The following EEF2KMT variants were observed in gnomAD, a reference collection of about 807,000 sequenced individuals.
EEF2KMT encodes protein-lysine N-methyltransferase EEF2KMT.
In EEF2KMT, 30 loss-of-function variants were observed where a neutral mutation model predicts 35.1. The observed-to-expected ratio is 0.85, with a 90% CI of 0.64 to 1.16. EEF2KMT has a LOEUF of 1.16. EEF2KMT is among the 50% of genes most tolerant of loss of function. The pLI is 0.00. For synonymous variants in EEF2KMT, 190 were observed against 187.7 expected, an observed-to-expected ratio of 1.01 and a Z score of -0.10; for missense variants, 499 against 438.2, an observed-to-expected ratio of 1.14 and a Z score of -1.24.
At chr16:5,094,608 C>G (rs1233328350) in intron 2 of EEF2KMT, among the ~76,000 whole-genome samples, 1 of 152,128 alleles carries the variant, frequency 6.6e-6, no homozygotes, top group Non-Finnish European at 1.5e-5. Flanking sequence ...CATGCTTCAC[C>G]ACCTACGAGA....
chr16:5,092,750 G>A (rs899569117), intron 3 of EEF2KMT, among the ~76,000 whole-genome samples: 28 of 152,272 alleles, frequency 1.8e-4, no homozygotes, highest in African/African-American at 6.3e-4. Context: ...ATCACCTGAG[G>A]TCAGGAGTTC....
rs1455004630 is a variant in EEF2KMT at position 5,086,075 on chromosome 16, C to T, written c.893-343G>A. Reference sequence around the variant, plus strand: ...AAGCGGCCGGGCACAGTGGCTCATGCCTGTAATCCCAACACTTTGGGAGGC... The same window carrying T: ...AAGCGGCCGGGCACAGTGGCTCATGTCTGTAATCCCAACACTTTGGGAGGC... On this transcript the variant is annotated intron_variant, in intron 7 of 7. Coordinates refer to ENST00000427587, the MANE Select transcript of EEF2KMT (RefSeq NM_201400.4). 2.0e-5 allele frequency among the ~76,000 whole-genome samples: 3 copies of T among 152,206 alleles called. No individual in the cohort carries two copies. In the East Asian group the frequency reaches 5.8e-4, roughly 29 times the overall value.
chr16:5,097,672 G>A lies in EEF2KMT; in HGVS notation c.68C>T (p.Ala23Val). Residue 23 changes from alanine (A) to valine (V), a missense_variant, in exon 1 of 8, where the codon GCA becomes GTA. Physicochemically the swap from Ala to Val is moderately conservative, Grantham distance 64. Transcript: ENST00000427587. ...LQSFERRFLA[A>V]RTLRSFPWQS... ...CCAGGGGAAGGAGCGCAGTGTGCGTGCCGCCAGGAAGCGGCGCTCGAAACT... is the reference window on the plus strand; with the variant it reads ...CCAGGGGAAGGAGCGCAGTGTGCGTACCGCCAGGAAGCGGCGCTCGAAACT... 2.5e-6 allele frequency: 4 copies of A among 1,578,336 alleles called. No individual in the cohort carries two copies. The highest frequency in any genetic ancestry group is 3.4e-6 in the Non-Finnish European group (4 of 1,167,952).
Position 5,085,372 on chromosome 16 carries a change from A to C in EEF2KMT, c.*260T>G. On this transcript the variant is annotated 3_prime_UTR_variant, in exon 8 of 8. Coordinates refer to ENST00000427587, the MANE Select transcript of EEF2KMT (RefSeq NM_201400.4). ...ACACACGTTTTTATTTGCACAAAGA[A>C]AATGCTATTTTTGGAGCCAGAATTT... The C allele has an allele frequency of 5.6e-6, 3 of 538,662 alleles. No homozygotes were observed. In the South Asian group the frequency reaches 6.2e-5, roughly 11 times the overall value. The allele number at this position is 538,662 out of a possible 1,614,324, so 33.4% of individuals were successfully genotyped here.
chr16:5,096,541 A>G (rs1957470473), intron 1 of EEF2KMT, among the ~76,000 whole-genome samples: 1 of 152,164 alleles, frequency 6.6e-6, no homozygotes, highest in Non-Finnish European at 1.5e-5. Context: ...CCTGACAACA[A>G]CCCTAAGAGG....
At chr16:5,089,305 G>C in intron 6 of EEF2KMT, 49 bp from the exon 7 acceptor site, 1 of 1,596,386 alleles carries the variant, frequency 6.3e-7, no homozygotes, top group Non-Finnish European at 8.5e-7. Context: ...GACAGGTCCA[G>C]GTCATGCTGA....
intron 7 of EEF2KMT, 102 bp downstream of exon 7, chr16:5,089,005 G>T: frequency 1.9e-6 from 3 of 1,598,910 alleles, no homozygotes; most frequent in Non-Finnish European, 2.5e-6. Flanking sequence ...GGGAGTGTGG[G>T]GCAACCTAGC....
At chr16:5,097,415 C>T (rs1957494155) in intron 1 of EEF2KMT, 1 of 1,455,892 alleles carries the variant, frequency 6.9e-7, no homozygotes, top group Non-Finnish European at 9.1e-7. Flanking sequence ...GTCTGCCCCC[C>T]AAGGCTGTGG....
intron 1 of EEF2KMT, among the ~76,000 whole-genome samples, chr16:5,096,000 C>G (rs950360209): frequency 1.3e-5 from 2 of 152,162 alleles, no homozygotes; most frequent in Admixed American, 1.3e-4. Flanking sequence ...TCCCTCCATG[C>G]CATAAAAGGC....
chr16:5,086,356 C>T (rs1957168828), intron 7 of EEF2KMT: 1 of 150,676 alleles, frequency 6.6e-6, no homozygotes, highest in African/African-American at 2.5e-5. Flanking sequence ...AAAAAAACCA[C>T]ACGCACCACA....
rs200080543 is a variant in EEF2KMT, at chr16:5,089,702, G to A, written c.742+382C>T. Among the ~76,000 whole-genome samples, 28 of 152,256 alleles carry A rather than the reference G, an allele frequency of 1.8e-4. No homozygotes were observed. In the East Asian group the frequency reaches 5.4e-3, roughly 29 times the overall value. ...CAGAGCTCTGTTCCACCAGAGAGGG[G>A]ACTGAGTGTGCTGGCAGGGGTGAGG... On this transcript the variant is annotated intron_variant, in intron 6 of 7. Coordinates refer to ENST00000427587, the MANE Select transcript of EEF2KMT (RefSeq NM_201400.4).
chr16:5,095,937 G>T (rs1452140621), intron 1 of EEF2KMT, among the ~76,000 whole-genome samples: 4 of 151,818 alleles, frequency 2.6e-5, no homozygotes, highest in African/African-American at 9.7e-5. Context: ...GAGTTAGGCA[G>T]ACTGTCTCGG....
intron 1 of EEF2KMT, among the ~76,000 whole-genome samples, chr16:5,095,817 A>C (rs1957448456): frequency 9.6e-6 from 1 of 104,640 alleles, no homozygotes; most frequent in African/African-American, 3.3e-5. Flanking sequence ...CATGGCACCA[A>C]GGTTTGATGG....
intron 7 of EEF2KMT, chr16:5,087,161 A>G (rs1337149159): frequency 6.6e-6 from 1 of 152,118 alleles, no homozygotes; most frequent in Non-Finnish European, 1.5e-5. Flanking sequence ...GAAGAAGAAG[A>G]ATCGCCTTGG....
At chr16:5,091,954 G>C in intron 3 of EEF2KMT, 59 bp from the exon 4 acceptor site, 1 of 1,605,126 alleles carries the variant, frequency 6.2e-7, no homozygotes. Flanking sequence ...AAAATGGCCA[G>C]ATGATTTTCA....
At chr16:5,085,881 G>A (rs962378218) in intron 7 of EEF2KMT, 149 bp from the exon 8 acceptor site, 1 of 694,578 alleles carries the variant, frequency 1.4e-6, no homozygotes, top group Non-Finnish European at 2.7e-6. Flanking sequence ...CCACCCAGGT[G>A]CCTAGAATTG....
chr16:5,087,648 A>G (rs903917007), intron 7 of EEF2KMT, among the ~76,000 whole-genome samples: 2 of 152,040 alleles, frequency 1.3e-5, no homozygotes, highest in African/African-American at 4.8e-5. Flanking sequence ...CAATACAAAA[A>G]ATAGCCAGGT....
intron 3 of EEF2KMT, among the ~76,000 whole-genome samples, chr16:5,092,167 G>T (rs558336644): frequency 6.6e-6 from 1 of 152,244 alleles, no homozygotes; most frequent in Non-Finnish European, 1.5e-5. Context: ...AAATTCACTT[G>T]GTAGGGAAAC....
chr16:5,084,721 G>A lies in EEF2KMT; in HGVS notation c.*911C>T, dbSNP rs759547724. Reference sequence around the variant, plus strand: ...GGGATGGGGTGGGGACAGGCAATGAGGTAAGCTCTGCTCTTTATTTTTTTG... The same window carrying A: ...GGGATGGGGTGGGGACAGGCAATGAAGTAAGCTCTGCTCTTTATTTTTTTG... On this transcript the variant is annotated 3_prime_UTR_variant, in exon 8 of 8. Transcript: ENST00000427587. 1.9e-5 allele frequency: 31 copies of A among 1,596,310 alleles called. No individual in the cohort carries two copies. In the African/African-American group the frequency reaches 4.0e-4, roughly 21 times the overall value.
Sources: gnomAD v4.1 joint callset for allele counts (sites outside exome capture counted in the v4.1 genomes callset) on GRCh38, gnomAD v4.1.1 for gene constraint, MANE v1.5 for transcripts, NCBI Gene and HGNC (gene_info 2026-07-23, HGNC 2026-07-21) for gene names.